Variants in VWDE observed in about 807,000 individuals in gnomAD.
VWDE encodes the protein von Willebrand factor D and EGF domain-containing protein.
A neutral mutation model predicts 178.4 loss-of-function variants in VWDE; 207 were observed. The observed-to-expected ratio is 1.16, with a 90% confidence interval of 1.04 to 1.30. VWDE has a LOEUF of 1.30. Ranked by LOEUF, VWDE falls within the 50% of genes most tolerant of loss-of-function variation. The pLI is 0.00. For synonymous variants in VWDE, 738 were observed against 651.4 expected (o/e 1.13, Z -2.02); for missense variants, 2,287 against 1,901.3 (o/e 1.20, Z -3.77).
Position 12,400,297 on chromosome 7 carries a change from G to A in VWDE, c.58+3362C>T, listed in dbSNP as rs571017655. On this transcript the variant is annotated intron_variant, in intron 1 of 28. Transcript: ENST00000275358. ...GAAACCAAAAGCTGGTTCTTTGAAA[G>A]AATCAACAAAACTGACGGACCTCTA... Among the ~76,000 whole-genome samples the A allele has an allele frequency of 1.1e-4, 17 of 152,108 alleles. 1 individual carries two copies. In the South Asian group the frequency reaches 3.1e-3, roughly 28 times the overall value.
intron 18 of VWDE, among the ~76,000 whole-genome samples, chr7:12,353,548 C>T (rs1562476604): frequency 1.3e-5 from 2 of 152,172 alleles, no homozygotes; most frequent in East Asian, 3.8e-4. Context: ...TGGCCAAGTA[C>T]AATCAACTTG....
chr7:12,392,463 A>G (rs978945819), intron 2 of VWDE, among the ~76,000 whole-genome samples: 1 of 152,176 alleles, frequency 6.6e-6, no homozygotes, highest in African/African-American at 2.4e-5. Flanking sequence ...AAGTATGATA[A>G]GTAGAAATAA....
chr7:12,332,609 T>C (rs1225996302), intron 28 of VWDE, among the ~76,000 whole-genome samples: 1 of 152,136 alleles, frequency 6.6e-6, no homozygotes. Flanking sequence ...CAAGCTTTTA[T>C]TTTTATTTTT....
intron 16 of VWDE, among the ~76,000 whole-genome samples, chr7:12,358,891 C>A (rs1198854565): frequency 6.6e-6 from 1 of 152,050 alleles, no homozygotes; most frequent in Non-Finnish European, 1.5e-5. Context: ...AATCATCTGG[C>A]AAATGTAATG....
intron 13 of VWDE, among the ~76,000 whole-genome samples, 158 bp from the exon 14 acceptor site, chr7:12,361,679 CA>C (rs1782590127): frequency 1.3e-5 from 2 of 151,966 alleles, no homozygotes; most frequent in Admixed American, 1.3e-4. Context: ...GAGTTTTATT[CA>C]GAATAACGAA....
chr7:12,374,819 T>TA, intron 8 of VWDE, 57 bp from the exon 9 acceptor site: 4 of 1,228,592 alleles, frequency 3.3e-6, no homozygotes, highest in East Asian at 2.6e-5. Flanking sequence ...TAGTGATATA[T>TA]AAAAAATTGC....
At chr7:12,394,932 G>C (rs1784554406) in intron 1 of VWDE, among the ~76,000 whole-genome samples, 1 of 152,046 alleles carries the variant, frequency 6.6e-6, no homozygotes, top group East Asian at 1.9e-4. Flanking sequence ...AAAAATCAGA[G>C]ATACTAATTT....
chr7:12,333,534 T>C lies in VWDE; in HGVS notation c.4689A>G (p.Arg1563=). Residue 1563 remains arginine, a synonymous_variant, in exon 28 of 29, where the codon AGA becomes AGG. Coordinates refer to ENST00000275358, the MANE Select transcript of VWDE (RefSeq NM_001135924.3). ...AGGAACACACATTGGGAAATATGCA[T>C]CTGCCTCCATAAAGACATTTTGGGT... is the stretch of plus-strand genomic sequence containing the variant. ...ICNPKCLYGG[R]CIFPNVCSCR... 1 of 1,551,314 alleles carries C rather than the reference T, an allele frequency of 6.4e-7. No individual in the cohort carries two copies. The highest frequency in any genetic ancestry group is 8.7e-7 in the Non-Finnish European group (1 of 1,146,706).
At chr7:12,346,852 T>C (rs1247582523) in intron 19 of VWDE, among the ~76,000 whole-genome samples, 1 of 152,060 alleles carries the variant, frequency 6.6e-6, no homozygotes, top group East Asian at 1.9e-4. Context: ...AAACACTTAA[T>C]GCTTCTCAAA....
intron 7 of VWDE, 59 bp downstream of exon 7, chr7:12,377,716 GA>G (rs144769747): frequency 4.0e-5 from 46 of 1,142,946 alleles, no homozygotes; most frequent in South Asian, 1.3e-4. Context: ...TTTCCTACAG[GA>G]AAAAAAAGCA....
intron 3 of VWDE, among the ~76,000 whole-genome samples, chr7:12,383,983 A>G (rs1783979880): frequency 1.3e-5 from 2 of 152,182 alleles, no homozygotes; most frequent in Non-Finnish European, 2.9e-5. Context: ...AGCATATGAC[A>G]TAGAAATCAT....
chr7:12,347,793 T>A (rs939594916), intron 19 of VWDE, among the ~76,000 whole-genome samples: 1 of 151,950 alleles, frequency 6.6e-6, no homozygotes, highest in Non-Finnish European at 1.5e-5. Context: ...AGAACAAAGC[T>A]GGAGGCATCA....
chr7:12,334,566 TACA>T (rs1381228883), intron 27 of VWDE, among the ~76,000 whole-genome samples: 2 of 152,252 alleles, frequency 1.3e-5, no homozygotes, highest in Admixed American at 1.3e-4. Flanking sequence ...GAATTTTTAT[TACA>T]ACAATTTTCC....
intron 13 of VWDE, among the ~76,000 whole-genome samples, chr7:12,362,068 A>C (rs1782612290): frequency 6.6e-6 from 1 of 152,020 alleles, no homozygotes. Flanking sequence ...GTACCAATGG[A>C]GATGTCATGT....
chr7:12,401,850 T>C (rs547222375), intron 1 of VWDE, among the ~76,000 whole-genome samples: 150 of 152,298 alleles, frequency 9.8e-4, no homozygotes, highest in Non-Finnish European at 1.8e-3. Flanking sequence ...CGGTGCTTTA[T>C]AGCAACATTA....
At chr7:12,359,487 C>G (rs1240105525) in intron 16 of VWDE, 91 bp downstream of exon 16, 1 of 781,788 alleles carries the variant, frequency 1.3e-6, no homozygotes, top group Non-Finnish European at 2.1e-6. Flanking sequence ...AGAGGTCATT[C>G]ATCTTAAACA....
At position 12,374,990 on chromosome 7, in the gene VWDE, T is replaced by C. The variant is rs1783436281; in HGVS notation, c.1242+20A>G. The C allele has an allele frequency of 1.3e-6, 2 of 1,537,140 alleles. No homozygotes were observed. Among genetic ancestry groups the C allele is most frequent in the South Asian group, 2.4e-5 (2 of 83,714 alleles). On this transcript the variant is annotated intron_variant, in intron 8 of 28. Transcript: ENST00000275358. ...CTTCTTAAAGCTTCACTTGCAGTAT[T>C]AGTGTTGTAATTTGTCAACCTGGAT...
At chr7:12,378,893 G>C (rs1253470066) in intron 6 of VWDE, among the ~76,000 whole-genome samples, 2 of 152,018 alleles carry the variant, frequency 1.3e-5, no homozygotes, top group Non-Finnish European at 2.9e-5. Flanking sequence ...GAGTCCTGTG[G>C]GTGAGACCTT....
chr7:12,351,889 C>T (rs895490361), intron 18 of VWDE, among the ~76,000 whole-genome samples, 176 bp from the exon 19 acceptor site: 1 of 152,102 alleles, frequency 6.6e-6, no homozygotes, highest in Non-Finnish European at 1.5e-5. Flanking sequence ...GAATTGTGTT[C>T]CCCTAAAATT....
Sources: allele counts gnomAD v4.1 joint callset (sites outside exome capture counted in the v4.1 genomes callset), GRCh38; gene constraint gnomAD v4.1.1; transcripts MANE v1.5; gene names NCBI Gene and HGNC (gene_info 2026-07-23, HGNC 2026-07-21).